GYS1: variants seen among roughly 807,000 people sequenced by gnomAD.
The protein encoded by GYS1 is glycogen [starch] synthase, muscle.
A neutral mutation model predicts 89.1 loss-of-function variants in GYS1; 60 were observed. That is an observed-to-expected ratio of 0.67 (90% CI 0.55 to 0.84). The LOEUF (loss-of-function observed/expected upper bound fraction) is 0.84. Among genes scored for constraint, GYS1 ranks in the 40% least tolerant of loss-of-function variants. The pLI, the probability that GYS1 is intolerant of heterozygous loss-of-function variation, is 0.00. For missense variants in GYS1, 888 were observed against 1,003.1 expected (o/e 0.89, Z 1.55); for synonymous variants, 366 against 401.7 (o/e 0.91, Z 1.06).
rs2038857132 is a variant in GYS1 at position 48,987,286 on chromosome 19, A to G, written c.400T>C (p.Trp134Arg). The G allele has an allele frequency of 6.2e-7, 1 of 1,612,904 alleles. No individual in the cohort carries two copies. The highest frequency in any genetic ancestry group is 8.5e-7 in the Non-Finnish European group (1 of 1,179,558). The stretch of plus-strand genomic sequence containing the variant: ...GGCACTCCGATGTTGCAGGTATCCC[A>G]GAGCTCTCCCTTCCAGCGCTCCAGG... ...WALERWKGEL[W>R]DTCNIGVPWY... is the part of the protein sequence containing the mutation. Residue 134 changes from tryptophan to arginine, a missense_variant, in exon 3 of 16, where the codon TGG (tryptophan) becomes CGG (arginine). By Grantham distance (101) the Trp-to-Arg change is moderately radical. Coordinates refer to ENST00000323798, the MANE Select transcript of GYS1 (RefSeq NM_002103.5).
At chr19:48,982,696 G>C (rs1350019194) in intron 6 of GYS1, 24 bp downstream of exon 6, 1 of 1,455,924 alleles carries the variant, frequency 6.9e-7, no homozygotes, top group East Asian at 2.3e-5. Flanking sequence ...CCTCTCTTAA[G>C]ACCTAGGTAT....
At position 48,987,184 on chromosome 19, in the gene GYS1, C is replaced by T. The variant is rs772808320; in HGVS notation, c.492+10G>A. On this transcript the variant is annotated intron_variant, in intron 3 of 15. Transcript: ENST00000323798. ...TCAGGTATGGGTGGAATGTGTCAGACGGGGCCTACCTCACCCAGGAACCAG... is the reference window on the plus strand; with the variant it reads ...TCAGGTATGGGTGGAATGTGTCAGATGGGGCCTACCTCACCCAGGAACCAG... 13 of 1,597,500 alleles carry T rather than the reference C, an allele frequency of 8.1e-6. No individual in the cohort carries two copies. Among genetic ancestry groups the T allele is most frequent in the Admixed American group, 6.7e-5 (4 of 59,742 alleles).
Position 48,979,677 on chromosome 19 carries a change from C to T in GYS1, c.1170-1520G>A, listed in dbSNP as rs1231412024. On this transcript the variant is annotated intron_variant, in intron 8 of 15. Coordinates refer to ENST00000323798, the MANE Select transcript of GYS1 (RefSeq NM_002103.5). ...TTTTTTTTTTTTTTTGAGACCGAGT[C>T]TCACTGTCACCCATGCTGGAGTGCA... Among the ~76,000 whole-genome samples the T allele has an allele frequency of 7.8e-5, 10 of 128,576 alleles. No homozygotes were observed. The East Asian group carries it at 2.0e-3, about 26-fold the overall frequency. 84.4% of individuals were successfully genotyped at this position (128,576 alleles called of 152,430 possible).
intron 5 of GYS1, 143 bp from the exon 6 acceptor site, chr19:48,982,980 T>G: frequency 1.4e-6 from 1 of 698,788 alleles, no homozygotes; most frequent in Non-Finnish European, 2.6e-6. Context: ...CCCTCCCACC[T>G]TTTTTGTTTG....
chr19:48,978,147 T>C lies in GYS1; in HGVS notation c.1180A>G (p.Asn394Asp), dbSNP rs944581269. 5 of 1,613,888 alleles carry C rather than the reference T, an allele frequency of 3.1e-6. No homozygotes were observed. Among genetic ancestry groups the C allele is most frequent in the African/African-American group, 1.3e-5 (1 of 74,930 alleles). The change falls in exon 9 of 16, where the codon AAC becomes GAC. Residue 394 changes from asparagine (N) to aspartate (D), a missense_variant. By Grantham distance (23) the Asn-to-Asp change is conservative. Transcript: ENST00000323798. ...AVRKQLWDTANTVKEKFGRKL... is the reference protein window; with the variant it reads ...AVRKQLWDTADTVKEKFGRKL... ...CTCCCGAACTTTTCCTTCACCGTGT[T>C]GGCCGTGTCCCTGGAGGAAGCAGAG...
chr19:48,976,121 C>T (rs1281397469), intron 10 of GYS1, among the ~76,000 whole-genome samples: 2 of 151,952 alleles, frequency 1.3e-5, no homozygotes, highest in Admixed American at 6.6e-5. Flanking sequence ...TCTACTGAGT[C>T]TAGGGGCCCG....
intron 4 of GYS1, 45 bp from the exon 5 acceptor site, chr19:48,985,650 A>G (rs370984646): frequency 1.0e-4 from 161 of 1,608,326 alleles, no homozygotes; most frequent in Non-Finnish European, 1.3e-4. Context: ...ATTGGGGAGA[A>G]GACTCTGGAG....
At chr19:48,971,321 A>C (rs1283933106) in intron 12 of GYS1, among the ~76,000 whole-genome samples, 4 of 152,178 alleles carry the variant, frequency 2.6e-5, no homozygotes, top group Non-Finnish European at 5.9e-5. Flanking sequence ...TAACTCTCAC[A>C]ACCTGTAGGA....
chr19:48,976,534 C>G (rs1047648514), intron 10 of GYS1, among the ~76,000 whole-genome samples: 2 of 152,090 alleles, frequency 1.3e-5, no homozygotes, highest in Non-Finnish European at 2.9e-5. Context: ...GGGACCAACA[C>G]ACAGCCTCTG....
At chr19:48,978,066 G>T in intron 9 of GYS1, 32 bp downstream of exon 9, 1 of 1,610,450 alleles carries the variant, frequency 6.2e-7, no homozygotes, top group Non-Finnish European at 8.5e-7. Context: ...TCAGGGCCTA[G>T]GAGGGCACAG....
Position 48,982,561 on chromosome 19 carries a change from C to G in GYS1, c.941+159G>C, listed in dbSNP as rs545380827. On this transcript the variant is annotated intron_variant, in intron 6 of 15. Transcript: ENST00000323798. ...ATGGAGATTTCCTTTAATCCTGAGC[C>G]CATTGTTCCAGCGCTCAAGAATTAA... 4.5e-4 allele frequency among the ~76,000 whole-genome samples: 68 copies of G among 152,174 alleles called. 1 individual carries two copies. The South Asian group carries it at 0.014, about 31-fold the overall frequency.
At position 48,969,241 on chromosome 19, in the gene GYS1, C is replaced by T. The variant is rs1196832706; in HGVS notation, c.*47G>A. ...GGAGCAGCACCCCTCTGCATCCTCT[C>T]TCTGGAGCAGAGAGGCAGGACAGGC... On this transcript the variant is annotated 3_prime_UTR_variant, in exon 16 of 16. Transcript: ENST00000323798. 3 of 1,489,518 alleles carry T rather than the reference C, an allele frequency of 2.0e-6. No individual in the cohort carries two copies. In the Admixed American group the frequency reaches 6.0e-5, roughly 30 times the overall value. The allele number at this position is 1,489,518 out of a possible 1,614,324, so 92.3% of individuals were successfully genotyped here.
rs766091953 is a variant in GYS1 at position 48,974,388 on chromosome 19, C to T, written c.1423-49G>A. 2.5e-6 allele frequency: 4 copies of T among 1,603,646 alleles called. No individual in the cohort carries two copies. The East Asian group carries it at 8.9e-5, about 36-fold the overall frequency. ...AGCCCAAGTGCCTTATTTAGCTAAG[C>T]CCTGAGATCCCAAGGTGGCCCAGAG... On this transcript the variant is annotated intron_variant, in intron 11 of 15. Transcript: ENST00000323798.
intron 2 of GYS1, among the ~76,000 whole-genome samples, chr19:48,990,553 G>C (rs1029725807): frequency 2.0e-5 from 3 of 152,038 alleles, no homozygotes; most frequent in Non-Finnish European, 4.4e-5. Flanking sequence ...CAATAATGAC[G>C]ATGATCATAA....
In GYS1 at chr19:48,969,183, C is replaced by T; in HGVS notation, c.*105G>A. Reference sequence around the variant, plus strand: ...CGGACTGGGTGGGGGCACTGCGGGGCCACACCCAGTGCAGATCTGGAGCGG... The same window carrying T: ...CGGACTGGGTGGGGGCACTGCGGGGTCACACCCAGTGCAGATCTGGAGCGG... On this transcript the variant is annotated 3_prime_UTR_variant, in exon 16 of 16. Transcript: ENST00000323798. 12 of 1,066,464 alleles carry T rather than the reference C, an allele frequency of 1.1e-5. No individual in the cohort carries two copies. The highest frequency in any genetic ancestry group is 1.6e-5 in the Non-Finnish European group (12 of 745,436). 66.1% of individuals were successfully genotyped at this position (1,066,464 alleles called of 1,614,324 possible). A position where few individuals can be genotyped will look rare whatever the true frequency, so the allele number is the denominator to read the frequency against.
chr19:48,988,730 G>A (rs1192019353), intron 2 of GYS1, among the ~76,000 whole-genome samples: 1 of 151,912 alleles, frequency 6.6e-6, no homozygotes, highest in Non-Finnish European at 1.5e-5. Flanking sequence ...TCCTTCCACC[G>A]CAGCTTCCCA....
intron 2 of GYS1, among the ~76,000 whole-genome samples, chr19:48,988,836 A>C (rs2038879266): frequency 6.6e-6 from 1 of 151,770 alleles, no homozygotes; most frequent in Admixed American, 6.6e-5. Context: ...GGCTGGTCTC[A>C]AACTCCTGGC....
Position 48,987,142 on chromosome 19 carries a change from T to G in GYS1, c.492+52A>C, listed in dbSNP as rs2038853838. ...GAAGCCCATCCTCTGGCCCAGGGGCTGATGGTCATTGTAGTTTCAGGTATG... is the reference window on the plus strand; with the variant it reads ...GAAGCCCATCCTCTGGCCCAGGGGCGGATGGTCATTGTAGTTTCAGGTATG... On this transcript the variant is annotated intron_variant, in intron 3 of 15. Coordinates refer to ENST00000323798, the MANE Select transcript of GYS1 (RefSeq NM_002103.5). The G allele has an allele frequency of 3.1e-6, 4 of 1,307,382 alleles. No individual in the cohort carries two copies. In the Admixed American group the frequency reaches 5.3e-5, roughly 17 times the overall value. 81.0% of individuals were successfully genotyped at this position (1,307,382 alleles called of 1,614,324 possible).
intron 14 of GYS1, chr19:48,970,292 T>C: frequency 2.2e-6 from 1 of 458,128 alleles, no homozygotes; most frequent in Non-Finnish European, 4.0e-6. Flanking sequence ...GCTCGGCTGA[T>C]TTTTTTTTAT....
Sources: allele counts gnomAD v4.1 joint callset (sites outside exome capture counted in the v4.1 genomes callset), GRCh38; gene constraint gnomAD v4.1.1; transcripts MANE v1.5; gene names NCBI Gene and HGNC (gene_info 2026-07-23, HGNC 2026-07-21).